Variants in IMMP2L observed in about 807,000 individuals in gnomAD.
IMMP2L encodes the protein inner mitochondrial membrane peptidase subunit 2.
Under a neutral mutation model 19.3 loss-of-function variants are expected in IMMP2L, and 18 were observed. The ratio of observed to expected loss-of-function variants is 0.93; its 90% CI spans 0.64 to 1.38. IMMP2L has a LOEUF of 1.38. IMMP2L is among the 40% of genes most tolerant of loss of function. The pLI is 0.00. For missense variants in IMMP2L, 233 were observed against 218.2 expected, an observed-to-expected ratio of 1.07 and a Z score of -0.43; for synonymous variants, 76 against 73.0, an observed-to-expected ratio of 1.04 and a Z score of -0.21.
At chr7:110,701,887 A>G (rs1338877317) in intron 5 of IMMP2L, among the ~76,000 whole-genome samples, 1 of 152,086 alleles carries the variant, frequency 6.6e-6, no homozygotes, top group African/African-American at 2.4e-5. Flanking sequence ...TTTGATTTCT[A>G]TATGTGTATA....
chr7:111,089,136 C>G (rs577266983), intron 3 of IMMP2L, among the ~76,000 whole-genome samples: 28 of 152,246 alleles, frequency 1.8e-4, no homozygotes, highest in African/African-American at 5.8e-4. Context: ...TGTAAGATAA[C>G]ATATAAATGG....
At chr7:111,069,658 C>T (rs1586068844) in intron 3 of IMMP2L, among the ~76,000 whole-genome samples, 1 of 152,210 alleles carries the variant, frequency 6.6e-6, no homozygotes, top group Non-Finnish European at 1.5e-5. Flanking sequence ...GTCCGAGACT[C>T]TCTGCAGTAT....
intron 4 of IMMP2L, among the ~76,000 whole-genome samples, chr7:110,928,518 G>A (rs912295045): frequency 3.4e-5 from 5 of 146,830 alleles, no homozygotes; most frequent in Admixed American, 6.8e-5. Flanking sequence ...AAAGTTCAGT[G>A]TACACACACA....
intron 3 of IMMP2L, among the ~76,000 whole-genome samples, chr7:111,326,982 A>C (rs1401681858): frequency 1.3e-5 from 2 of 151,788 alleles, no homozygotes; most frequent in African/African-American, 2.4e-5. Flanking sequence ...CAATAGATGA[A>C]AGGATAAGGA....
chr7:111,111,409 C>A (rs552093766), intron 3 of IMMP2L, among the ~76,000 whole-genome samples: 15 of 151,088 alleles, frequency 9.9e-5, no homozygotes, highest in African/African-American at 2.4e-4. Flanking sequence ...CCATCCCCCC[C>A]CAAAAAAAAA....
At chr7:111,523,424 T>A (rs1846541401) in intron 1 of IMMP2L, among the ~76,000 whole-genome samples, 1 of 151,928 alleles carries the variant, frequency 6.6e-6, no homozygotes, top group African/African-American at 2.4e-5. Context: ...ATAAAATAAA[T>A]AAAAATAAAA....
At position 111,476,264 on chromosome 7, in the gene IMMP2L, A is replaced by T. The variant is rs538116423; in HGVS notation, c.239+10974T>A. Among the ~76,000 whole-genome samples the T allele has an allele frequency of 3.4e-4, 52 of 152,320 alleles. 1 individual carries two copies. Among genetic ancestry groups the T allele is most frequent in the African/African-American group, 1.1e-3 (47 of 41,570 alleles). On this transcript the variant is annotated intron_variant, in intron 3 of 5. Transcript: ENST00000405709. ...ATAGTCTTGCACTGAAGAACTGGCA[A>T]ATAGAGGCTTTCAGATTTGTTTCAC... is the stretch of plus-strand genomic sequence containing the variant.
chr7:111,209,286 A>G (rs1002909382), intron 3 of IMMP2L, among the ~76,000 whole-genome samples: 2 of 151,622 alleles, frequency 1.3e-5, no homozygotes, highest in African/African-American at 2.4e-5. Context: ...AGTTTCAGCT[A>G]CTTGCGAGGC....
At position 111,345,873 on chromosome 7, in the gene IMMP2L, T is replaced by C. The variant is rs193097037; in HGVS notation, c.239+141365A>G. ...ACCTAAACTCTTTAATATACACCCATGTGGCTATGCTCCTTAGAGCCAAGA... is the reference window on the plus strand; with the variant it reads ...ACCTAAACTCTTTAATATACACCCACGTGGCTATGCTCCTTAGAGCCAAGA... On this transcript the variant is annotated intron_variant, in intron 3 of 5. Transcript: ENST00000405709. Among the ~76,000 whole-genome samples, 21 of 152,330 alleles carry C rather than the reference T, an allele frequency of 1.4e-4. No homozygotes were observed. The East Asian group carries it at 1.9e-3, about 14-fold the overall frequency.
At chr7:111,220,046 A>G (rs1646801266) in intron 3 of IMMP2L, among the ~76,000 whole-genome samples, 1 of 152,030 alleles carries the variant, frequency 6.6e-6, no homozygotes, top group Non-Finnish European at 1.5e-5. Flanking sequence ...TCCACTATAG[A>G]ATTATGTCAC....
intron 3 of IMMP2L, among the ~76,000 whole-genome samples, chr7:111,023,947 T>C (rs1336897629): frequency 6.6e-6 from 1 of 152,132 alleles, no homozygotes; most frequent in African/African-American, 2.4e-5. Context: ...AATAGTCCAG[T>C]ATATATTCAA....
At chr7:111,005,363 T>A (rs1040316077) in intron 3 of IMMP2L, among the ~76,000 whole-genome samples, 3 of 152,188 alleles carry the variant, frequency 2.0e-5, no homozygotes, top group Admixed American at 6.6e-5. Context: ...TATTGTTACA[T>A]AAAGTAGCTC....
At chr7:111,028,594 T>G (rs1827097200) in intron 3 of IMMP2L, among the ~76,000 whole-genome samples, 1 of 152,272 alleles carries the variant, frequency 6.6e-6, no homozygotes, top group Non-Finnish European at 1.5e-5. Context: ...GGTTATTAAA[T>G]ACACCATCAA....
intron 5 of IMMP2L, among the ~76,000 whole-genome samples, chr7:110,717,948 T>A (rs1305417834): frequency 1.3e-5 from 2 of 152,152 alleles, no homozygotes; most frequent in East Asian, 3.9e-4. Context: ...AGCAGGTTTA[T>A]ATGTAGGGAA....
At chr7:111,275,638 A>T (rs1395067346) in intron 3 of IMMP2L, among the ~76,000 whole-genome samples, 1 of 152,176 alleles carries the variant, frequency 6.6e-6, no homozygotes, top group Non-Finnish European at 1.5e-5. Context: ...GATTGCACTG[A>T]ATCGGTAGAT....
At chr7:111,482,658 G>C (rs984896466) in intron 3 of IMMP2L, among the ~76,000 whole-genome samples, 1 of 152,072 alleles carries the variant, frequency 6.6e-6, no homozygotes, top group Admixed American at 6.5e-5. Context: ...ATGCCTGAAA[G>C]AGAAATCCTA....
intron 3 of IMMP2L, among the ~76,000 whole-genome samples, chr7:111,291,829 G>T (rs1327244913): frequency 2.0e-5 from 3 of 152,220 alleles, no homozygotes; most frequent in African/African-American, 7.2e-5. Flanking sequence ...ATTCCACATT[G>T]TAAACATGTA....
intron 3 of IMMP2L, among the ~76,000 whole-genome samples, chr7:111,113,190 T>C (rs955120651): frequency 6.6e-6 from 1 of 152,208 alleles, no homozygotes; most frequent in African/African-American, 2.4e-5. Context: ...ACTAGGTCAT[T>C]GGACTCTTGT....
At chr7:110,794,270 T>C (rs1291735900) in intron 5 of IMMP2L, among the ~76,000 whole-genome samples, 1 of 152,102 alleles carries the variant, frequency 6.6e-6, no homozygotes, top group Non-Finnish European at 1.5e-5. Flanking sequence ...AGCAGATGAA[T>C]AGATTTAGTA....
Sources: gnomAD v4.1 joint callset for allele counts (sites outside exome capture counted in the v4.1 genomes callset) on GRCh38, gnomAD v4.1.1 for gene constraint, MANE v1.5 for transcripts, NCBI Gene and HGNC (gene_info 2026-07-23, HGNC 2026-07-21) for gene names.